The following FBXL13 variants were observed in gnomAD, a reference collection of about 807,000 sequenced individuals.
FBXL13 encodes the protein F-box and leucine rich repeat protein 13.
In FBXL13, 67 loss-of-function variants were observed where a neutral mutation model predicts 83.6. The ratio of observed to expected loss-of-function variants is 0.80; its 90% confidence interval spans 0.66 to 0.98. The LOEUF (loss-of-function observed/expected upper bound fraction) is 0.98. Ranked by LOEUF, FBXL13 falls within the 50% of genes least tolerant of loss-of-function variation. The pLI is 0.00. For missense variants in FBXL13, 822 were observed against 866.5 expected (o/e 0.95, Z 0.64); for synonymous variants, 272 against 299.5 (o/e 0.91, Z 0.95).
intron 14 of FBXL13, among the ~76,000 whole-genome samples, chr7:102,882,468 C>T (rs1010810679): frequency 5.9e-5 from 9 of 151,608 alleles, no homozygotes; most frequent in Non-Finnish European, 1.0e-4. Context: ...AGCAAGAAAC[C>T]TCTTGATCCT....
At chr7:102,875,304 A>G (rs1401312569) in intron 16 of FBXL13, among the ~76,000 whole-genome samples, 1 of 152,072 alleles carries the variant, frequency 6.6e-6, no homozygotes, top group African/African-American at 2.4e-5. Context: ...CTATGTCAAA[A>G]GGAAAGGAGC....
intron 11 of FBXL13, among the ~76,000 whole-genome samples, chr7:102,904,107 G>T (rs1411439641): frequency 6.6e-6 from 1 of 151,840 alleles, no homozygotes; most frequent in Admixed American, 6.6e-5. Context: ...GAATTCAGCA[G>T]TGAAACCATC....
chr7:102,813,160 G>T, downstream of FBXL13: 1 of 631,854 alleles, frequency 1.6e-6, no homozygotes. Flanking sequence ...TTTAAATCAT[G>T]ATTATTTAGA....
At chr7:102,899,550 T>A (rs1812706049) in intron 11 of FBXL13, among the ~76,000 whole-genome samples, 1 of 152,172 alleles carries the variant, frequency 6.6e-6, no homozygotes, top group South Asian at 2.1e-4. Context: ...AGAATCTATA[T>A]TTCCCAATGT....
chr7:102,908,969 GTCC>G (rs996965213), intron 11 of FBXL13, among the ~76,000 whole-genome samples: 23 of 152,212 alleles, frequency 1.5e-4, no homozygotes, highest in African/African-American at 5.3e-4. Flanking sequence ...CCAGGCCTGT[GTCC>G]TCCTCTTCAG....
At position 102,868,654 on chromosome 7, in the gene FBXL13, G is replaced by T. The variant is rs566793030; in HGVS notation, c.1635+8813C>A. 4.0e-5 allele frequency among the ~76,000 whole-genome samples: 6 copies of T among 151,598 alleles called. No individual in the cohort carries two copies. In the East Asian group the frequency reaches 1.2e-3, roughly 29 times the overall value. On this transcript the variant is annotated intron_variant, in intron 16 of 19. Transcript: ENST00000313221. Reference sequence around the variant, plus strand: ...ACATACTGATTTCATTTCCTTTGTGGTTTTTTTGTTTTGTTTTGTTTTGTT... The same window carrying T: ...ACATACTGATTTCATTTCCTTTGTGTTTTTTTTGTTTTGTTTTGTTTTGTT...
chr7:103,057,321 G>A (rs1417896587), intron 1 of FBXL13, among the ~76,000 whole-genome samples: 1 of 152,086 alleles, frequency 6.6e-6, no homozygotes, highest in Admixed American at 6.6e-5. Context: ...ATTACTTGAG[G>A]AGTAAGTTCT....
upstream of FBXL13, chr7:103,074,757 C>T (rs924905212): frequency 2.8e-5 from 36 of 1,289,704 alleles, no homozygotes; most frequent in Non-Finnish European, 3.3e-5. Flanking sequence ...GTTGGCATTG[C>T]GTAGCGAGGC....
intron 2 of FBXL13, among the ~76,000 whole-genome samples, chr7:103,051,273 C>T (rs1334195493): frequency 6.6e-6 from 1 of 152,218 alleles, no homozygotes; most frequent in Non-Finnish European, 1.5e-5. Flanking sequence ...TTACTGCTTA[C>T]TATCAGTTCC....
At chr7:103,024,623 A>C (rs2129488097) in intron 6 of FBXL13, among the ~76,000 whole-genome samples, 1 of 150,710 alleles carries the variant, frequency 6.6e-6, no homozygotes, top group Non-Finnish European at 1.5e-5. Context: ...AAATCTCCAA[A>C]TATATTCCAA....
chr7:103,066,597 G>A (rs1798417157), intron 1 of FBXL13, among the ~76,000 whole-genome samples: 1 of 151,496 alleles, frequency 6.6e-6, no homozygotes. Context: ...GTTTTACCTT[G>A]TTAGCCAGGA....
chr7:103,047,067 T>G (rs1478026995), intron 2 of FBXL13: 1 of 152,216 alleles, frequency 6.6e-6, no homozygotes, highest in African/African-American at 2.4e-5. Context: ...GCATAAAACA[T>G]GCATTAAAAA....
intron 16 of FBXL13, among the ~76,000 whole-genome samples, chr7:102,876,831 C>T (rs1345410980): frequency 6.6e-6 from 1 of 152,128 alleles, no homozygotes; most frequent in African/African-American, 2.4e-5. Context: ...CTTCCTATAT[C>T]CCTCCAAATG....
chr7:103,072,530 T>C (rs769615414), intron 1 of FBXL13, among the ~76,000 whole-genome samples: 18 of 152,158 alleles, frequency 1.2e-4, no homozygotes, highest in Non-Finnish European at 2.2e-4. Context: ...TGTGATGTTA[T>C]AGTAACTGGC....
At chr7:103,055,173 A>G (rs1345920084) in intron 2 of FBXL13, 2 of 1,282,176 alleles carry the variant, frequency 1.6e-6, no homozygotes, top group South Asian at 2.5e-5. Flanking sequence ...AGTAATGCAC[A>G]TATCCCTTTA....
chr7:102,869,824 C>A (rs929239915), intron 16 of FBXL13, among the ~76,000 whole-genome samples: 1 of 152,094 alleles, frequency 6.6e-6, no homozygotes, highest in Admixed American at 6.5e-5. Context: ...CTATTCTGTT[C>A]CACTGGTCTG....
chr7:102,973,355 C>T (rs1197259169), intron 6 of FBXL13: 2 of 657,524 alleles, frequency 3.0e-6, no homozygotes, highest in East Asian at 5.9e-5. Flanking sequence ...CCAGAAGACA[C>T]CTACCCTGGC....
chr7:102,967,392 C>T (rs1826091990), intron 7 of FBXL13, among the ~76,000 whole-genome samples: 1 of 152,180 alleles, frequency 6.6e-6, no homozygotes, highest in African/African-American at 2.4e-5. Flanking sequence ...CCTGACTCAG[C>T]CTCCTGAGTA....
chr7:102,930,505 T>G (rs1351648910), intron 9 of FBXL13, among the ~76,000 whole-genome samples: 1 of 152,234 alleles, frequency 6.6e-6, no homozygotes, highest in Non-Finnish European at 1.5e-5. Flanking sequence ...CAAGTAGATT[T>G]CTGCTCCAAT....
Sources: gnomAD v4.1 joint callset for allele counts (sites outside exome capture counted in the v4.1 genomes callset) on GRCh38, gnomAD v4.1.1 for gene constraint, MANE v1.5 for transcripts, NCBI Gene and HGNC (gene_info 2026-07-23, HGNC 2026-07-21) for gene names.